NFIA: variants seen among roughly 807,000 people sequenced by gnomAD.
The protein encoded by NFIA is nuclear factor I A, also known as nuclear factor 1 A-type.
Under a neutral mutation model 62.8 loss-of-function variants are expected in NFIA, and 8 were observed. The observed-to-expected ratio is 0.13, with a 90% CI of 0.07 to 0.23. The LOEUF (loss-of-function observed/expected upper bound fraction) is 0.23, where lower values mean the gene tolerates loss of function less well. Ranked by LOEUF, NFIA falls within the 10% of genes least tolerant of loss-of-function variation. The pLI is 1.00. For synonymous variants in NFIA, 235 were observed against 238.1 expected, an observed-to-expected ratio of 0.99 and a Z score of 0.12; for missense variants, 410 against 642.1, an observed-to-expected ratio of 0.64 and a Z score of 3.91.
intron 5 of NFIA, among the ~76,000 whole-genome samples, chr1:61,357,279 A>G (rs1018449948): frequency 1.3e-5 from 2 of 152,200 alleles, no homozygotes; most frequent in Non-Finnish European, 2.9e-5. Flanking sequence ...TAGAACAGAC[A>G]CTGCCCTGCT....
chr1:61,248,672 T>G (rs1359821690), intron 2 of NFIA, among the ~76,000 whole-genome samples: 1 of 152,198 alleles, frequency 6.6e-6, no homozygotes, highest in Non-Finnish European at 1.5e-5. Flanking sequence ...CAGTCCCAAC[T>G]TAAATACCAA....
intron 2 of NFIA, among the ~76,000 whole-genome samples, chr1:61,124,376 C>T (rs1451647178): frequency 3.3e-5 from 5 of 152,042 alleles, no homozygotes; most frequent in East Asian, 1.9e-4. Flanking sequence ...TGTGGTTGAA[C>T]GATGTAGAGA....
chr1:61,292,425 T>C (rs1658949512), intron 3 of NFIA, among the ~76,000 whole-genome samples: 1 of 152,194 alleles, frequency 6.6e-6, no homozygotes, highest in African/African-American at 2.4e-5. Context: ...CTCCTTCCAA[T>C]TGATCTTTCT....
intron 9 of NFIA, among the ~76,000 whole-genome samples, chr1:61,409,195 C>T (rs2474378): frequency 0.01 from 1,596 of 152,198 alleles, 19 homozygotes; most frequent in African/African-American, 0.037. Flanking sequence ...GAAAGAGTCC[C>T]AGAGCTTGAT....
chr1:61,097,255 A>G (rs1646432731), intron 2 of NFIA, among the ~76,000 whole-genome samples: 1 of 152,188 alleles, frequency 6.6e-6, no homozygotes, highest in African/African-American at 2.4e-5. Context: ...GTCCCAAATA[A>G]CTTGTGAGTT....
intron 10 of NFIA, among the ~76,000 whole-genome samples, chr1:61,453,899 C>T (rs1419576660): frequency 2.6e-5 from 4 of 152,286 alleles, no homozygotes; most frequent in East Asian, 1.9e-4. Flanking sequence ...TTATTGTGTT[C>T]CTCAAAGCAT....
chr1:61,103,534 T>C (rs1163519509), intron 2 of NFIA, among the ~76,000 whole-genome samples: 2 of 152,194 alleles, frequency 1.3e-5, no homozygotes, highest in Non-Finnish European at 2.9e-5. Flanking sequence ...GATTTCTTTC[T>C]GAGCAGGGAC....
chr1:61,347,046 C>A (rs1662266272), intron 4 of NFIA, among the ~76,000 whole-genome samples: 1 of 151,690 alleles, frequency 6.6e-6, no homozygotes, highest in Non-Finnish European at 1.5e-5. Context: ...GTGGAAATTA[C>A]AATTCAAGGT....
intron 3 of NFIA, among the ~76,000 whole-genome samples, chr1:61,315,594 A>G (rs1660327324): frequency 6.6e-6 from 1 of 152,188 alleles, no homozygotes; most frequent in Admixed American, 6.5e-5. Context: ...CAGATATTCA[A>G]TAAAGTATCA....
intron 2 of NFIA, among the ~76,000 whole-genome samples, chr1:61,173,261 A>T (rs1650087895): frequency 6.6e-6 from 1 of 152,232 alleles, no homozygotes; most frequent in South Asian, 2.1e-4. Context: ...AGAGAGTCAC[A>T]TTGGCTAGTA....
chr1:61,431,823 A>G (rs1667107057), intron 10 of NFIA, among the ~76,000 whole-genome samples: 1 of 152,240 alleles, frequency 6.6e-6, no homozygotes, highest in Admixed American at 6.5e-5. Flanking sequence ...AGCTGTTGCC[A>G]TTCCGTGTGT....
intron 3 of NFIA, among the ~76,000 whole-genome samples, chr1:61,286,291 G>A (rs1266126473): frequency 6.6e-6 from 1 of 151,916 alleles, no homozygotes; most frequent in Non-Finnish European, 1.5e-5. Flanking sequence ...AGCCGGGTGT[G>A]GTTGCAGGCG....
chr1:61,437,774 T>TA (rs1667397391), intron 10 of NFIA, among the ~76,000 whole-genome samples: 3 of 152,140 alleles, frequency 2.0e-5, no homozygotes, highest in Admixed American at 6.5e-5. Context: ...ATATACTTGG[T>TA]GGGGAGAACA....
chr1:61,436,752 T>G (rs1435722168), intron 10 of NFIA, among the ~76,000 whole-genome samples: 1 of 152,214 alleles, frequency 6.6e-6, no homozygotes, highest in Non-Finnish European at 1.5e-5. Context: ...TTGAGTCTGT[T>G]CATTGAGTTA....
chr1:61,104,936 T>A (rs2100442643), intron 2 of NFIA, among the ~76,000 whole-genome samples: 1 of 151,982 alleles, frequency 6.6e-6, no homozygotes, highest in African/African-American at 2.4e-5. Context: ...AATATTGCAG[T>A]GGGGAATGAA....
chr1:61,432,399 C>T (rs1667136149), intron 10 of NFIA, among the ~76,000 whole-genome samples: 1 of 151,894 alleles, frequency 6.6e-6, no homozygotes, highest in Admixed American at 6.6e-5. Context: ...CCTGGTGGTA[C>T]ATCCTCACTT....
intron 3 of NFIA, among the ~76,000 whole-genome samples, chr1:61,316,637 A>T (rs1270732603): frequency 6.6e-6 from 1 of 152,198 alleles, no homozygotes; most frequent in East Asian, 1.9e-4. Flanking sequence ...TTCCGAGAAG[A>T]ACAAGAGCGC....
At chr1:61,133,917 G>A (rs1647127789) in intron 2 of NFIA, among the ~76,000 whole-genome samples, 1 of 152,004 alleles carries the variant, frequency 6.6e-6, no homozygotes, top group African/African-American at 2.4e-5. Context: ...TGAGGGGGTG[G>A]ATCCAGACCA....
At chr1:61,224,234 TAA>T (rs1654191542) in intron 2 of NFIA, among the ~76,000 whole-genome samples, 1 of 152,164 alleles carries the variant, frequency 6.6e-6, no homozygotes, top group Non-Finnish European at 1.5e-5. Context: ...CAAGTTTACT[TAA>T]GTCTAACTTT....
Sources: allele counts gnomAD v4.1 joint callset (sites outside exome capture counted in the v4.1 genomes callset), GRCh38; gene constraint gnomAD v4.1.1; transcripts MANE v1.5; gene names NCBI Gene and HGNC (gene_info 2026-07-23, HGNC 2026-07-21).